Variants in TATDN2 observed in about 807,000 individuals in gnomAD.
The protein encoded by TATDN2 is 3'-5' RNA nuclease TATDN2.
Under a neutral mutation model 60.3 loss-of-function variants are expected in TATDN2, and 44 were observed. The ratio of observed to expected loss-of-function variants is 0.73; its 90% CI spans 0.57 to 0.94. The LOEUF is 0.94. Ranked by LOEUF, TATDN2 falls within the 40% of genes least tolerant of loss-of-function variation. The probability of loss-of-function intolerance (pLI) is 0.00; values close to 1 mark genes in which losing one functional copy is unlikely to be tolerated. For missense variants in TATDN2, 997 were observed against 948.0 expected (o/e 1.05, Z -0.68); for synonymous variants, 399 against 355.8 (o/e 1.12, Z -1.37).
In TATDN2 at chr3:10,260,195, A is replaced by G. The variant is rs1698378664; in HGVS notation, c.473A>G (p.Glu158Gly). The G allele has an allele frequency of 1.2e-6, 2 of 1,614,014 alleles. No homozygotes were observed. Among genetic ancestry groups the G allele is most frequent in the African/African-American group, 2.7e-5 (2 of 75,010 alleles). ...AACTCTGAATTTGCAGCTGAAGCTGAGGGTCAGAATGATACAATTGAGGAA... is the reference window on the plus strand; with the variant it reads ...AACTCTGAATTTGCAGCTGAAGCTGGGGGTCAGAATGATACAATTGAGGAA... ...STNSEFAAEAEGQNDTIEEPN... is the reference protein window; with the variant it reads ...STNSEFAAEAGGQNDTIEEPN... The change falls in exon 3 of 8, where the codon GAG (glutamate) becomes GGG (glycine). Residue 158 changes from glutamate (E) to glycine (G), a missense_variant. Glu to Gly is a moderately conservative substitution (Grantham distance 98, BLOSUM62 -2). Coordinates refer to ENST00000448281, the MANE Select transcript of TATDN2 (RefSeq NM_014760.4).
intron 2 of TATDN2, among the ~76,000 whole-genome samples, chr3:10,254,070 C>T (rs752399652): frequency 6.6e-6 from 1 of 152,244 alleles, no homozygotes; most frequent in Non-Finnish European, 1.5e-5. Flanking sequence ...TATTGAGGCT[C>T]TTGAGTGATA....
rs866485052 is a variant in TATDN2, at chr3:10,279,303, C to G, written c.*121C>G. 7.2e-6 allele frequency: 2 copies of G among 278,512 alleles called. No individual in the cohort carries two copies. Among genetic ancestry groups the G allele is most frequent in the South Asian group, 8.2e-5 (2 of 24,344 alleles). 17.3% of individuals were successfully genotyped at this position (278,512 alleles called of 1,614,324 possible). On this transcript the variant is annotated 3_prime_UTR_variant, in exon 8 of 8. Coordinates refer to ENST00000448281, the MANE Select transcript of TATDN2 (RefSeq NM_014760.4). ...GATGTGTTTAGAGAGCTGATTGGAA[C>G]ACAGAAAACCAGGACAGGATGTTTT...
At position 10,270,543 on chromosome 3, in the gene TATDN2, C is replaced by G. The variant is rs1280096160; in HGVS notation, c.1361C>G (p.Ser454Ter). ...NSRSFRFSRS[S>*]EEREVKEKRT... Reference sequence around the variant, plus strand: ...CGTTCATTTCGCTTCTCCAGAAGCTCAGAAGAAAGAGAGGTGAAGGAGAAA... The same window carrying G: ...CGTTCATTTCGCTTCTCCAGAAGCTGAGAAGAAAGAGAGGTGAAGGAGAAA... The change falls in exon 4 of 8, where the codon TCA becomes TGA. Residue 454 changes from serine (S) to a stop codon, truncating the protein, a stop_gained. Transcript: ENST00000448281. LOFTEE classifies it high-confidence loss of function. 6.2e-7 allele frequency: 1 copy of G among 1,614,170 alleles called. No homozygotes were observed. Among genetic ancestry groups the G allele is most frequent in the East Asian group, 2.2e-5 (1 of 44,884 alleles).
chr3:10,278,567 G>A lies in TATDN2; in HGVS notation c.2145+105G>A. 6.8e-7 allele frequency: 1 copy of A among 1,470,836 alleles called. No individual in the cohort carries two copies. The allele number at this position is 1,470,836 out of a possible 1,614,324, so 91.1% of individuals were successfully genotyped here. ...GGGCCAGAGCCCCAGTGACTTCCAG[G>A]TCCCATCCTGGGCTGTGTAGATGCC... is the stretch of plus-strand genomic sequence containing the variant. On this transcript the variant is annotated intron_variant, in intron 6 of 7. Transcript: ENST00000448281. This position sits in a 1 kb window ranked among gnomAD's most constrained non-coding sequence, Gnocchi z 4.7.
At chr3:10,250,521 A>C (rs1698206750) in intron 2 of TATDN2, among the ~76,000 whole-genome samples, 1 of 152,070 alleles carries the variant, frequency 6.6e-6, no homozygotes, top group Admixed American at 6.6e-5. Flanking sequence ...AGAGAAAATT[A>C]CTTTACAAAA....
chr3:10,273,598 T>A (rs1698596170), intron 4 of TATDN2, among the ~76,000 whole-genome samples: 1 of 147,560 alleles, frequency 6.8e-6, no homozygotes. Context: ...TTTATTACAT[T>A]AAAAAAAAAA....
Position 10,260,010 on chromosome 3 carries a change from C to G in TATDN2, c.415-127C>G, listed in dbSNP as rs926129015. ...TGCCACTTCACCACCCGGAGAGAAC[C>G]TTTGCCTTAGCCACAGTCACTTTCC... On this transcript the variant is annotated intron_variant, in intron 2 of 7. Coordinates refer to ENST00000448281, the MANE Select transcript of TATDN2 (RefSeq NM_014760.4). 4.4e-6 allele frequency: 5 copies of G among 1,133,548 alleles called. No individual in the cohort carries two copies. In the African/African-American group the frequency reaches 7.9e-5, roughly 18 times the overall value. The allele number at this position is 1,133,548 out of a possible 1,614,324, so 70.2% of individuals were successfully genotyped here.
At chr3:10,269,381 G>A (rs1302119936) in intron 3 of TATDN2, among the ~76,000 whole-genome samples, 1 of 152,252 alleles carries the variant, frequency 6.6e-6, no homozygotes, top group Non-Finnish European at 1.5e-5. Context: ...TCTCAATGGG[G>A]AGAAGGGTTA....
chr3:10,264,243 C>CA (rs1345320042), intron 3 of TATDN2, among the ~76,000 whole-genome samples: 6 of 152,146 alleles, frequency 3.9e-5, no homozygotes, highest in Admixed American at 1.3e-4. Flanking sequence ...CCAAGGTGCC[C>CA]AGTACCGCGA....
At chr3:10,253,998 G>A (rs419211) in intron 2 of TATDN2, among the ~76,000 whole-genome samples, 80,582 of 152,116 alleles carry the variant, frequency 0.53, 23,667 homozygotes, top group East Asian at 0.97. Flanking sequence ...GAAGGTGCCA[G>A]GGTCCCTCCC....
At chr3:10,256,209 G>A (rs1192987326) in intron 2 of TATDN2, among the ~76,000 whole-genome samples, 6 of 151,776 alleles carry the variant, frequency 4.0e-5, no homozygotes, top group African/African-American at 9.7e-5. Flanking sequence ...AGTTTGGAGC[G>A]TCTCCACAGG....
At chr3:10,257,645 C>T (rs1025534202) in intron 2 of TATDN2, among the ~76,000 whole-genome samples, 2 of 149,912 alleles carry the variant, frequency 1.3e-5, no homozygotes, top group African/African-American at 4.9e-5. Context: ...CCGTAACCTC[C>T]TTTAACAAAT....
intron 3 of TATDN2, among the ~76,000 whole-genome samples, chr3:10,263,118 G>A (rs1484897828): frequency 1.3e-5 from 2 of 151,642 alleles, no homozygotes; most frequent in Non-Finnish European, 2.9e-5. Context: ...TGAGGCTGGT[G>A]TCGAACTCCT....
At chr3:10,272,641 G>C (rs2125180064) in intron 4 of TATDN2, among the ~76,000 whole-genome samples, 1 of 152,264 alleles carries the variant, frequency 6.6e-6, no homozygotes, top group East Asian at 1.9e-4. Context: ...TGTAATCCCA[G>C]TATTTTGGGA....
chr3:10,258,933 C>T (rs1052240430), intron 2 of TATDN2, among the ~76,000 whole-genome samples: 8 of 152,006 alleles, frequency 5.3e-5, no homozygotes, highest in East Asian at 3.9e-4. Context: ...GCAGTGGTGC[C>T]GTCACGGCTC....
chr3:10,276,142 C>A (rs1026418321), intron 4 of TATDN2, among the ~76,000 whole-genome samples: 5 of 152,236 alleles, frequency 3.3e-5, no homozygotes, highest in Non-Finnish European at 7.3e-5. Flanking sequence ...GCAGCACCTG[C>A]CTCAGGGTGG....
intron 2 of TATDN2, among the ~76,000 whole-genome samples, chr3:10,250,895 A>G (rs1165051623): frequency 2.0e-5 from 3 of 152,236 alleles, no homozygotes; most frequent in South Asian, 4.1e-4. Flanking sequence ...AGTTGATTCA[A>G]TTTAGCTTCA....
Position 10,260,588 on chromosome 3 carries a change from G to A in TATDN2, c.866G>A (p.Gly289Glu), listed in dbSNP as rs1698387311. 6.2e-7 allele frequency: 1 copy of A among 1,614,114 alleles called. No individual in the cohort carries two copies. Among genetic ancestry groups the A allele is most frequent in the East Asian group, 2.2e-5 (1 of 44,880 alleles). ...GAGAAACCCAGTGAGGAGCCCCTTG[G>A]GGACCGAAGGACTGTCATTGACAAA... ...PQEKPSEEPL[G>E]DRRTVIDKCS... The change falls in exon 3 of 8, where the codon GGG becomes GAG. Residue 289 changes from glycine (G) to glutamate (E), a missense_variant. By Grantham distance (98) the Gly-to-Glu change is moderately conservative (BLOSUM62 -2). Transcript: ENST00000448281.
Position 10,278,616 on chromosome 3 carries a change from CAA to C in TATDN2, c.2145+157_2145+158del, listed in dbSNP as rs1227892219. 4 of 1,132,306 alleles carry C rather than the reference CAA, an allele frequency of 3.5e-6. No individual in the cohort carries two copies. Among genetic ancestry groups the C allele is most frequent in the Non-Finnish European group, 5.2e-6 (4 of 764,242 alleles). 70.1% of individuals were successfully genotyped at this position (1,132,306 alleles called of 1,614,324 possible). On this transcript the variant is annotated intron_variant, in intron 6 of 7. Coordinates refer to ENST00000448281, the MANE Select transcript of TATDN2 (RefSeq NM_014760.4). The surrounding 1 kb of genome is among the most constrained non-coding windows in gnomAD (Gnocchi z 4.7). ...CCTCCTTGCTGTTACTCTGCAGAAC[CAA>C]AAGTCTAGGGGGCTGAGAAGCTGAA...
Sources: allele counts gnomAD v4.1 joint callset (sites outside exome capture counted in the v4.1 genomes callset), GRCh38; gene constraint gnomAD v4.1.1; non-coding constraint Gnocchi (gnomAD v3.1); transcripts MANE v1.5; gene names NCBI Gene and HGNC (gene_info 2026-07-23, HGNC 2026-07-21).